Variants in RBFOX1 observed in about 807,000 individuals in gnomAD.
The protein encoded by RBFOX1 is RNA binding protein fox-1 homolog 1.
In RBFOX1, 8 loss-of-function variants were observed where a neutral mutation model predicts 57.7. The observed-to-expected ratio is 0.14, with a 90% CI of 0.08 to 0.25. The LOEUF (loss-of-function observed/expected upper bound fraction) is 0.25. Ranked by LOEUF, RBFOX1 falls within the 10% of genes least tolerant of loss-of-function variation. The pLI is 1.00. For missense variants in RBFOX1, 611 were observed against 548.5 expected, an observed-to-expected ratio of 1.11 and a Z score of -1.14; for synonymous variants, 326 against 222.4, an observed-to-expected ratio of 1.47 and a Z score of -4.15.
intron 4 of RBFOX1, among the ~76,000 whole-genome samples, chr16:7,465,100 A>G (rs2060265275): frequency 6.6e-6 from 1 of 152,026 alleles, no homozygotes; most frequent in South Asian, 2.1e-4. Context: ...TGCTAAGCTC[A>G]TCCTTAGAAC....
At chr16:7,698,288 A>G (rs1016316610) in intron 14 of RBFOX1, among the ~76,000 whole-genome samples, 6 of 151,950 alleles carry the variant, frequency 3.9e-5, no homozygotes, top group South Asian at 4.1e-4. Context: ...AGGACCCACC[A>G]TGCATTCCCT....
At position 6,478,781 on chromosome 16, in the gene RBFOX1, A is replaced by C. The variant is rs113411757; in HGVS notation, c.-64+161724A>C. On this transcript the variant is annotated intron_variant, in intron 2 of 15. Coordinates refer to ENST00000550418, the MANE Select transcript of RBFOX1 (RefSeq NM_018723.4). ...CAGTGGAACAGTCAGAACACACACA[A>C]TCTTTATCAATTAAGTGTGCCATCT... Among the ~76,000 whole-genome samples the C allele has an allele frequency of 9.9e-4, 150 of 152,194 alleles. 1 individual carries two copies. The highest frequency in any genetic ancestry group is 3.3e-3 in the African/African-American group (138 of 41,536).
chr16:7,662,326 G>C (rs1042123840), intron 12 of RBFOX1, among the ~76,000 whole-genome samples: 8 of 152,188 alleles, frequency 5.3e-5, no homozygotes, highest in Non-Finnish European at 1.2e-4. Context: ...GTTCGAGTCT[G>C]TTAATCGTAT....
chr16:5,803,575 C>G (rs546024630), intron 3 of RBFOX1, among the ~76,000 whole-genome samples: 1 of 152,300 alleles, frequency 6.6e-6, no homozygotes, highest in East Asian at 1.9e-4. Context: ...GTCATTCATT[C>G]TCTCACTCCA....
At chr16:5,765,106 A>G (rs1332022743) in intron 3 of RBFOX1, among the ~76,000 whole-genome samples, 1 of 152,164 alleles carries the variant, frequency 6.6e-6, no homozygotes, top group Non-Finnish European at 1.5e-5. Context: ...GCATGAAAGC[A>G]TCTCTTCTAA....
At chr16:6,700,304 A>G (rs1453634083) in intron 3 of RBFOX1, among the ~76,000 whole-genome samples, 2 of 152,122 alleles carry the variant, frequency 1.3e-5, no homozygotes. Context: ...AAATAACAGT[A>G]TAACATGCTT....
intron 3 of RBFOX1, chr16:6,773,871 C>T (rs1396950220): frequency 7.6e-6 from 6 of 784,784 alleles, no homozygotes; most frequent in African/African-American, 3.8e-5. Flanking sequence ...ATGTAGGGTG[C>T]GTTTGTCTGT....
chr16:6,034,957 T>C (rs956433527), intron 1 of RBFOX1, among the ~76,000 whole-genome samples: 10 of 82,060 alleles, frequency 1.2e-4, no homozygotes, highest in Non-Finnish European at 1.8e-4. Context: ...TGGTGGGTTT[T>C]AAGCAGCAGA....
chr16:6,124,491 A>G (rs762716591), intron 1 of RBFOX1, among the ~76,000 whole-genome samples: 3 of 152,132 alleles, frequency 2.0e-5, no homozygotes, highest in Non-Finnish European at 4.4e-5. Context: ...TGGAAAGCCC[A>G]TTGTTGCCTA....
intron 1 of RBFOX1, among the ~76,000 whole-genome samples, chr16:5,459,859 C>T (rs1296038496): frequency 6.6e-6 from 1 of 152,100 alleles, no homozygotes; most frequent in Non-Finnish European, 1.5e-5. Flanking sequence ...CAAAATATTT[C>T]TCGAGTCTCT....
At chr16:5,240,404 G>A (rs1390063432) in intron 1 of RBFOX1, among the ~76,000 whole-genome samples, 1 of 152,192 alleles carries the variant, frequency 6.6e-6, no homozygotes, top group East Asian at 1.9e-4. Flanking sequence ...GCCCCCAGCA[G>A]GGGAAGGGGC....
intron 2 of RBFOX1, among the ~76,000 whole-genome samples, chr16:5,533,513 A>T (rs955440096): frequency 6.6e-6 from 1 of 152,168 alleles, no homozygotes; most frequent in African/African-American, 2.4e-5. Context: ...TGTATTACAG[A>T]GATGCAAGGA....
intron 3 of RBFOX1, among the ~76,000 whole-genome samples, chr16:6,682,870 TAAAA>T (rs33948007): frequency 5.2e-5 from 6 of 115,818 alleles, no homozygotes; most frequent in Middle Eastern, 4.5e-3. Context: ...AGAAAAGAAT[TAAAA>T]AAAAAAAAAA....
chr16:7,706,326 G>A (rs1447248646), intron 14 of RBFOX1, among the ~76,000 whole-genome samples: 1 of 152,174 alleles, frequency 6.6e-6, no homozygotes, highest in Non-Finnish European at 1.5e-5. Context: ...AAGAGAAAAG[G>A]AGGCAGCTCA....
intron 4 of RBFOX1, among the ~76,000 whole-genome samples, chr16:7,445,346 T>C (rs2098799972): frequency 6.6e-6 from 1 of 152,194 alleles, no homozygotes; most frequent in African/African-American, 2.4e-5. Flanking sequence ...GCTACTCCTC[T>C]CTTAATCTGG....
At chr16:5,917,271 C>A (rs185254364) in intron 4 of RBFOX1, among the ~76,000 whole-genome samples, 1 of 152,058 alleles carries the variant, frequency 6.6e-6, no homozygotes, top group Non-Finnish European at 1.5e-5. Context: ...CCCATGGAAG[C>A]GTGATAATAT....
At chr16:5,273,481 GATGCCCTTGC>G (rs1291644767) in intron 1 of RBFOX1, among the ~76,000 whole-genome samples, 1 of 152,180 alleles carries the variant, frequency 6.6e-6, no homozygotes, top group African/African-American at 2.4e-5. Context: ...AAAGATCTCA[GATGCCCTTGC>G]ATCACCTCCC....
At chr16:6,367,387 C>T (rs1386185741) in intron 2 of RBFOX1, among the ~76,000 whole-genome samples, 2 of 152,152 alleles carry the variant, frequency 1.3e-5, no homozygotes, top group African/African-American at 4.8e-5. Flanking sequence ...TCCCCTGCCT[C>T]AGCCTCCTGA....
intron 4 of RBFOX1, among the ~76,000 whole-genome samples, chr16:7,399,639 A>T (rs1044250480): frequency 2.0e-5 from 3 of 152,074 alleles, no homozygotes; most frequent in African/African-American, 7.2e-5. Flanking sequence ...CTCCATCTTC[A>T]TATGGCATTC....
Sources: allele counts gnomAD v4.1 joint callset (sites outside exome capture counted in the v4.1 genomes callset), GRCh38; gene constraint gnomAD v4.1.1; transcripts MANE v1.5; gene names NCBI Gene and HGNC (gene_info 2026-07-23, HGNC 2026-07-21).